Variants in COL27A1 observed in about 807,000 individuals in gnomAD.
COL27A1 encodes collagen alpha-1(XXVII) chain.
Under a neutral mutation model 251.3 loss-of-function variants are expected in COL27A1, and 106 were observed. That is an observed-to-expected ratio of 0.42 (90% CI 0.36 to 0.50). The LOEUF is 0.50. Among genes scored for constraint, COL27A1 ranks in the 20% least tolerant of loss-of-function variants. COL27A1 has a pLI of 0.00. For synonymous variants in COL27A1, 1,000 were observed against 986.3 expected (o/e 1.01, Z -0.26); for missense variants, 2,325 against 2,522.8 (o/e 0.92, Z 1.68).
At chr9:114,301,603 C>G in intron 54 of COL27A1, 79 bp from the exon 55 acceptor site, 1 of 1,530,662 alleles carries the variant, frequency 6.5e-7, no homozygotes, top group Non-Finnish European at 8.9e-7. Flanking sequence ...GGTCCCAGGT[C>G]TGCTTGAGGA....
intron 7 of COL27A1, among the ~76,000 whole-genome samples, chr9:114,199,850 T>C (rs1258777751): frequency 6.6e-6 from 1 of 152,188 alleles, no homozygotes; most frequent in Non-Finnish European, 1.5e-5. Flanking sequence ...CCTCACGAAT[T>C]GATCTTTCTG....
chr9:114,307,342 C>G (rs1352597637), intron 58 of COL27A1: 1 of 252,154 alleles, frequency 4.0e-6, no homozygotes, highest in Non-Finnish European at 7.6e-6. Context: ...AGAATCCATT[C>G]AACTAGGTGA....
At chr9:114,178,928 G>A (rs1827686439) in intron 4 of COL27A1, among the ~76,000 whole-genome samples, 1 of 152,168 alleles carries the variant, frequency 6.6e-6, no homozygotes, top group Non-Finnish European at 1.5e-5. Context: ...CCCACCCCAA[G>A]TTCCCATGGG....
At chr9:114,278,892 G>T (rs142362641) in intron 37 of COL27A1, among the ~76,000 whole-genome samples, 1 of 151,980 alleles carries the variant, frequency 6.6e-6, no homozygotes, top group Admixed American at 6.5e-5. Flanking sequence ...ATGAGCCATC[G>T]GGGCCTTTCC....
intron 41 of COL27A1, among the ~76,000 whole-genome samples, chr9:114,287,611 T>G (rs946053): frequency 0.63 from 95,704 of 152,026 alleles, 31,741 homozygotes; most frequent in East Asian, 0.93. Flanking sequence ...CTGCCACGTG[T>G]GCAGCAGCCT....
chr9:114,289,935 G>A, intron 45 of COL27A1, 123 bp from the exon 46 acceptor site: 1 of 1,123,330 alleles, frequency 8.9e-7, no homozygotes, highest in Non-Finnish European at 1.3e-6. Flanking sequence ...GAGTGCTTGG[G>A]TACATCTGTG....
chr9:114,291,886 G>C (rs935886383), intron 48 of COL27A1, among the ~76,000 whole-genome samples: 5 of 152,124 alleles, frequency 3.3e-5, no homozygotes, highest in Non-Finnish European at 7.4e-5. Context: ...GGGAAGGCAG[G>C]GCCCGGAATG....
intron 37 of COL27A1, among the ~76,000 whole-genome samples, chr9:114,276,893 T>C (rs1394866981): frequency 6.6e-6 from 1 of 152,230 alleles, no homozygotes; most frequent in East Asian, 1.9e-4. Flanking sequence ...CAATGCTTTC[T>C]CGAAGGTTCC....
In COL27A1 at chr9:114,211,022, T is replaced by TGCC. The variant is rs777936815; in HGVS notation, c.2365_2367dup (p.Pro789dup). The TGCC allele has an allele frequency of 8.1e-6, 13 of 1,614,104 alleles. No homozygotes were observed. The highest frequency in any genetic ancestry group is 1.0e-5 in the Non-Finnish European group (12 of 1,180,022). Reference sequence around the variant, plus strand: ...CCTGGCAAGAGGGGCAAGATGGGTATGCCGGTAAAGATTTTCCGTGTCTAT... The same window carrying TGCC: ...CCTGGCAAGAGGGGCAAGATGGGTATGCCGCCGGTAAAGATTTTCCGTGTCTAT... On this transcript the variant is annotated inframe_insertion, in exon 12 of 61. Transcript: ENST00000356083.
At position 114,168,885 on chromosome 9, in the gene COL27A1, CCTCCTACCACCAG is replaced by C; in HGVS notation, c.1336_1348del (p.Thr446LeufsTer8). On this transcript the variant is annotated frameshift_variant, in exon 3 of 61. Coordinates refer to ENST00000356083, the MANE Select transcript of COL27A1 (RefSeq NM_032888.4). LOFTEE classifies it high-confidence loss of function. ...CCCACCGCCCAGCACCCGGCCCCTA[CCTCCTACCACCAG>C]CTCCTCTAAAAAACCCATTCCCACA... 1 of 1,614,020 alleles carries C rather than the reference CCTCCTACCACCAG, an allele frequency of 6.2e-7. No individual in the cohort carries two copies. Among genetic ancestry groups the C allele is most frequent in the Non-Finnish European group, 8.5e-7 (1 of 1,180,000 alleles).
At chr9:114,175,348 C>T (rs1348654218) in intron 3 of COL27A1, among the ~76,000 whole-genome samples, 1 of 152,262 alleles carries the variant, frequency 6.6e-6, no homozygotes, top group Non-Finnish European at 1.5e-5. Context: ...CCCGCTCAGG[C>T]TTCAGGCCCT....
Position 114,168,925 on chromosome 9 carries a change from T to A in COL27A1, c.1370T>A (p.Leu457Gln). 1 of 1,613,854 alleles carries A rather than the reference T, an allele frequency of 6.2e-7. No homozygotes were observed. ...TSSSKKPIPT[L>Q]ARTEAKITSH... Reference sequence around the variant, plus strand: ...TCCTCTAAAAAACCCATTCCCACACTAGCTCGGACTGAGGCCAAGATAACC... The same window carrying A: ...TCCTCTAAAAAACCCATTCCCACACAAGCTCGGACTGAGGCCAAGATAACC... The change falls in exon 3 of 61, where the codon CTA becomes CAA. Residue 457 changes from leucine (L) to glutamine (Q), a missense_variant. This residue lies in a region of COL27A1 where 1,183 missense variants were observed against 1,144.1 expected (regional missense o/e 1.03). Coordinates refer to ENST00000356083, the MANE Select transcript of COL27A1 (RefSeq NM_032888.4).
chr9:114,155,813 TGGGCGCGGGGCTGCGCTGG>T lies in COL27A1; in HGVS notation c.-127_-109del, dbSNP rs1359249327. 52 of 682,392 alleles carry T rather than the reference TGGGCGCGGGGCTGCGCTGG, an allele frequency of 7.6e-5. No individual in the cohort carries two copies. The highest frequency in any genetic ancestry group is 9.4e-5 in the Non-Finnish European group (52 of 554,574). The allele number at this position is 682,392 out of a possible 1,614,324, so 42.3% of individuals were successfully genotyped here. ...CGCTGCCTGCCTGCTCGGGCGCCCCTGGGCGCGGGGCTGCGCTGGGGGCGCGGGGGCCGCGCGCTCTAAG... is the reference window on the plus strand; with the variant it reads ...CGCTGCCTGCCTGCTCGGGCGCCCCTGGGCGCGGGGGCCGCGCGCTCTAAG... On this transcript the variant is annotated 5_prime_UTR_variant, in exon 1 of 61. It removes the in-frame stop codon of an upstream open reading frame in the 5' UTR. Coordinates refer to ENST00000356083, the MANE Select transcript of COL27A1 (RefSeq NM_032888.4). This position sits in a 1 kb window ranked among gnomAD's most constrained non-coding sequence, Gnocchi z 5.5.
At chr9:114,236,890 C>G in intron 17 of COL27A1, 91 bp from the exon 18 acceptor site, 1 of 1,236,982 alleles carries the variant, frequency 8.1e-7, no homozygotes, top group East Asian at 2.4e-5. Flanking sequence ...CGGGCGTTCT[C>G]TGGGCCTGGG....
chr9:114,218,283 C>T (rs1011624252), intron 12 of COL27A1: 1 of 164,212 alleles, frequency 6.1e-6, no homozygotes, highest in African/African-American at 2.4e-5. Flanking sequence ...AGATATGCCC[C>T]CACAAAGACA....
intron 27 of COL27A1, among the ~76,000 whole-genome samples, chr9:114,254,963 C>T (rs1051573517): frequency 3.9e-5 from 6 of 152,168 alleles, no homozygotes; most frequent in African/African-American, 1.4e-4. Context: ...GTGGACTAGT[C>T]CAAGGGTGAG....
intron 21 of COL27A1, 63 bp downstream of exon 21, chr9:114,240,550 G>A: frequency 1.3e-6 from 2 of 1,500,754 alleles, no homozygotes; most frequent in South Asian, 1.2e-5. Flanking sequence ...AGCCTGCCCT[G>A]TCCTGGGTAC....
chr9:114,166,278 TC>T (rs1287532632), intron 2 of COL27A1, among the ~76,000 whole-genome samples: 3 of 151,442 alleles, frequency 2.0e-5, no homozygotes, highest in East Asian at 3.9e-4. Context: ...CATCCACCCA[TC>T]CATCCATCCA....
At chr9:114,234,647 C>T (rs1832229735) in intron 16 of COL27A1, among the ~76,000 whole-genome samples, 2 of 152,166 alleles carry the variant, frequency 1.3e-5, no homozygotes, top group Admixed American at 6.5e-5. Flanking sequence ...ATCAGTGTCA[C>T]GAAGCCTGTG....
Sources: allele counts gnomAD v4.1 joint callset (sites outside exome capture counted in the v4.1 genomes callset), GRCh38; gene constraint gnomAD v4.1.1; regional missense constraint gnomAD v4.1.1; non-coding constraint Gnocchi (gnomAD v3.1); transcripts MANE v1.5; gene names NCBI Gene and HGNC (gene_info 2026-07-23, HGNC 2026-07-21).